Variants in MMP26 observed in about 807,000 individuals in gnomAD.
The protein encoded by MMP26 is matrix metallopeptidase 26, also known as matrix metalloproteinase-26.
Under a neutral mutation model 31.0 loss-of-function variants are expected in MMP26, and 33 were observed. That is an observed-to-expected ratio of 1.06 (90% confidence interval 0.81 to 1.42). The LOEUF is 1.42. Ranked by LOEUF, MMP26 falls within the 40% of genes most tolerant of loss-of-function variation. The pLI is 0.00. For missense variants in MMP26, 347 were observed against 316.1 expected (o/e 1.10, Z -0.74); for synonymous variants, 122 against 114.9 (o/e 1.06, Z -0.40).
chr11:4,879,495 A>G (rs1850428653), intron 2 of MMP26, among the ~76,000 whole-genome samples: 1 of 152,122 alleles, frequency 6.6e-6, no homozygotes, highest in African/African-American at 2.4e-5. Flanking sequence ...AATAAGACTT[A>G]TTTCAAAATT....
At chr11:4,893,327 A>G (rs1850655599) in intron 2 of MMP26, among the ~76,000 whole-genome samples, 1 of 152,148 alleles carries the variant, frequency 6.6e-6, no homozygotes, top group African/African-American at 2.4e-5. Flanking sequence ...TAAAATCTAT[A>G]CTTCTTACCA....
chr11:4,851,551 A>G lies in MMP26; in HGVS notation c.-145+84210A>G, dbSNP rs558731344. On this transcript the variant is annotated intron_variant, in intron 2 of 7. Transcript: ENST00000380390. ...ATACACGTTTTAGTTAATTTTCCCT[A>G]AATTTCCTTAACAGGCTTGAATTGG... Among the ~76,000 whole-genome samples the G allele has an allele frequency of 2.6e-5, 4 of 152,288 alleles. No homozygotes were observed. In the South Asian group the frequency reaches 8.3e-4, roughly 32 times the overall value.
chr11:4,915,266 TG>T (rs777721397), intron 2 of MMP26: 1 of 1,612,996 alleles, frequency 6.2e-7, no homozygotes, highest in Admixed American at 1.7e-5. Context: ...GTGCAAGGGG[TG>T]GCAGATAGCC....
At chr11:4,944,068 C>T (rs1204705792) in intron 2 of MMP26, 1 of 443,544 alleles carries the variant, frequency 2.3e-6, no homozygotes, top group East Asian at 7.0e-5. Context: ...TCAACTACTG[C>T]TTGGTTGTAC....
chr11:4,722,201 G>A (rs1198081329), intron 1 of MMP26, among the ~76,000 whole-genome samples: 6 of 152,148 alleles, frequency 3.9e-5, no homozygotes, highest in Non-Finnish European at 1.5e-5. Context: ...AGCAGTGTGA[G>A]AATGGACTAA....
intron 2 of MMP26, chr11:4,923,531 A>G (rs1210847271): frequency 3.7e-6 from 6 of 1,614,076 alleles, no homozygotes; most frequent in Admixed American, 1.7e-5. Context: ...AACGCGGGGC[A>G]GATGTTCACC....
At chr11:4,977,760 G>A (rs549711808) in intron 2 of MMP26, among the ~76,000 whole-genome samples, 2 of 152,242 alleles carry the variant, frequency 1.3e-5, no homozygotes, top group Non-Finnish European at 2.9e-5. Context: ...CACTGCAGCT[G>A]TCTTGAGGCT....
chr11:4,842,808 C>A (rs567529716), intron 2 of MMP26, among the ~76,000 whole-genome samples: 14 of 152,254 alleles, frequency 9.2e-5, no homozygotes, highest in African/African-American at 3.1e-4. Flanking sequence ...AAAGTCTTAC[C>A]TGAGACAAGG....
intron 2 of MMP26, chr11:4,804,254 C>A (rs1298494263): frequency 1.2e-6 from 2 of 1,613,872 alleles, no homozygotes; most frequent in Non-Finnish European, 1.7e-6. Context: ...ATATTTCCAA[C>A]AACAGCCACA....
intron 2 of MMP26, among the ~76,000 whole-genome samples, chr11:4,841,759 C>G (rs1276427352): frequency 6.6e-6 from 1 of 152,104 alleles, no homozygotes; most frequent in Non-Finnish European, 1.5e-5. Flanking sequence ...ATGGAGAAAC[C>G]CCGTCTCTAC....
chr11:4,832,027 A>G (rs1332460063), intron 2 of MMP26: 2 of 152,216 alleles, frequency 1.3e-5, no homozygotes, highest in Non-Finnish European at 1.5e-5. Context: ...ATTTAATTTA[A>G]CCAACAACTG....
At chr11:4,913,711 T>C (rs1851027610) in intron 2 of MMP26, 1 of 152,166 alleles carries the variant, frequency 6.6e-6, no homozygotes, top group African/African-American at 2.4e-5. Context: ...TTCTAGAGAA[T>C]AAAAATGGCA....
chr11:4,918,800 C>T (rs1382201888), intron 2 of MMP26, among the ~76,000 whole-genome samples: 1 of 152,182 alleles, frequency 6.6e-6, no homozygotes. Context: ...TAATAGACCA[C>T]ACTTTGTGAT....
chr11:4,881,353 C>T (rs1015321330), intron 2 of MMP26, among the ~76,000 whole-genome samples: 2 of 152,102 alleles, frequency 1.3e-5, no homozygotes, highest in Non-Finnish European at 2.9e-5. Flanking sequence ...AGCATCTCAT[C>T]GCTCAGTTAC....
intron 1 of MMP26, chr11:4,722,681 T>A: frequency 1.4e-6 from 1 of 716,874 alleles, no homozygotes; most frequent in East Asian, 2.5e-5. Flanking sequence ...GCCTCCCTCC[T>A]GTGCTTTCCC....
chr11:4,775,075 T>A (rs1848773866), intron 2 of MMP26, among the ~76,000 whole-genome samples: 2 of 152,210 alleles, frequency 1.3e-5, no homozygotes, highest in Non-Finnish European at 2.9e-5. Flanking sequence ...ACCTCCAGCT[T>A]TGTTCTTTTT....
intron 2 of MMP26, among the ~76,000 whole-genome samples, chr11:4,801,367 A>G (rs1849178718): frequency 2.0e-5 from 3 of 152,148 alleles, no homozygotes; most frequent in Admixed American, 1.3e-4. Context: ...TGCAGGCTGC[A>G]CAAGCATGGG....
At chr11:4,892,193 A>T (rs1381991414) in intron 2 of MMP26, among the ~76,000 whole-genome samples, 1 of 152,096 alleles carries the variant, frequency 6.6e-6, no homozygotes, top group Non-Finnish European at 1.5e-5. Flanking sequence ...CTTCTAGAAG[A>T]CCTGGGCTAC....
chr11:4,960,897 G>A (rs1438579840), intron 2 of MMP26, among the ~76,000 whole-genome samples: 1 of 151,936 alleles, frequency 6.6e-6, no homozygotes, highest in East Asian at 1.9e-4. Flanking sequence ...ACAATCACAG[G>A]GGTATAATAG....
Sources: gnomAD v4.1 joint callset for allele counts (sites outside exome capture counted in the v4.1 genomes callset) on GRCh38, gnomAD v4.1.1 for gene constraint, MANE v1.5 for transcripts, NCBI Gene and HGNC (gene_info 2026-07-23, HGNC 2026-07-21) for gene names.